The following NTN1 variants were observed in gnomAD, a reference collection of about 807,000 sequenced individuals.
The protein encoded by NTN1 is netrin 1, also known as netrin-1.
A neutral mutation model predicts 54.2 loss-of-function variants in NTN1; 11 were observed. The observed-to-expected ratio is 0.20, with a 90% CI of 0.13 to 0.34. The LOEUF (loss-of-function observed/expected upper bound fraction) is 0.34. Ranked by LOEUF, NTN1 falls within the 10% of genes least tolerant of loss-of-function variation. The pLI is 1.00. For missense variants in NTN1, 740 were observed against 893.1 expected (o/e 0.83, Z 2.18); for synonymous variants, 371 against 382.0 (o/e 0.97, Z 0.33).
chr17:9,076,097 T>C (rs557209422), intron 2 of NTN1, among the ~76,000 whole-genome samples: 13 of 152,278 alleles, frequency 8.5e-5, no homozygotes, highest in African/African-American at 3.1e-4. Flanking sequence ...ACTGTGCTCA[T>C]GAGAGCTGAT....
At chr17:9,128,494 G>A (rs186515309) in intron 2 of NTN1, among the ~76,000 whole-genome samples, 25 of 152,272 alleles carry the variant, frequency 1.6e-4, no homozygotes, top group African/African-American at 5.8e-4. Context: ...AGCTGTGCTT[G>A]GCCCATGCAC....
At chr17:9,169,777 A>AT (rs1421615945) in intron 3 of NTN1, among the ~76,000 whole-genome samples, 1 of 152,222 alleles carries the variant, frequency 6.6e-6, no homozygotes, top group African/African-American at 2.4e-5. Flanking sequence ...AGGCAGGAGA[A>AT]TCGCTTGAGC....
intron 3 of NTN1, among the ~76,000 whole-genome samples, chr17:9,163,997 A>G: frequency 6.6e-6 from 1 of 152,280 alleles, no homozygotes; most frequent in East Asian, 1.9e-4. Flanking sequence ...AAGCCACGGC[A>G]GACAGGCCCA....
At chr17:9,196,265 G>T (rs987306120) in intron 5 of NTN1, among the ~76,000 whole-genome samples, 1 of 152,200 alleles carries the variant, frequency 6.6e-6, no homozygotes, top group South Asian at 2.1e-4. Flanking sequence ...ACCAAGGAGG[G>T]TGCTCAACCC....
At chr17:9,209,413 G>T (rs931398337) in intron 5 of NTN1, among the ~76,000 whole-genome samples, 1 of 152,262 alleles carries the variant, frequency 6.6e-6, no homozygotes, top group Non-Finnish European at 1.5e-5. Context: ...ATTGCAGGGG[G>T]CCAGAGCGGA....
chr17:9,055,715 T>C (rs1207063975), intron 2 of NTN1, among the ~76,000 whole-genome samples: 1 of 151,898 alleles, frequency 6.6e-6, no homozygotes, highest in East Asian at 1.9e-4. Flanking sequence ...AAGGCAGACA[T>C]CTTTTTTTTA....
chr17:9,179,335 C>T (rs1176524484), intron 3 of NTN1, among the ~76,000 whole-genome samples: 1 of 152,172 alleles, frequency 6.6e-6, no homozygotes, highest in Admixed American at 6.5e-5. Context: ...AGAGCTTCAC[C>T]AGGCCTCAAA....
intron 5 of NTN1, among the ~76,000 whole-genome samples, chr17:9,196,765 T>A (rs1244730258): frequency 1.3e-5 from 2 of 151,862 alleles, no homozygotes; most frequent in East Asian, 1.9e-4. Context: ...TTGAGTACAG[T>A]GTATTGTGGG....
chr17:9,022,623 G>A lies in NTN1; in HGVS notation c.250G>A (p.Gly84Ser). Reference sequence around the variant, plus strand: ...GCGCTACTGCGTGGTGAGCGAGCGCGGCGAGGAGCGGCTGCGCTCGTGCCA... The same window carrying A: ...GCGCTACTGCGTGGTGAGCGAGCGCAGCGAGGAGCGGCTGCGCTCGTGCCA... ...PARYCVVSER[G>S]EERLRSCHLC... The change falls in exon 2 of 7, where the codon GGC (glycine) becomes AGC (serine). Residue 84 changes from glycine to serine, a missense_variant. Physicochemically the swap from Gly to Ser is moderately conservative, Grantham distance 56 (BLOSUM62 0). Coordinates refer to ENST00000173229, the MANE Select transcript of NTN1 (RefSeq NM_004822.3). The A allele has an allele frequency of 3.9e-6, 6 of 1,552,868 alleles. No individual in the cohort carries two copies. Among genetic ancestry groups the A allele is most frequent in the South Asian group, 1.2e-5 (1 of 84,674 alleles).
chr17:9,118,868 A>G (rs2092223498), intron 2 of NTN1, among the ~76,000 whole-genome samples: 1 of 152,138 alleles, frequency 6.6e-6, no homozygotes, highest in Non-Finnish European at 1.5e-5. Flanking sequence ...TCCATTGTAG[A>G]GATATATTGC....
chr17:9,174,875 G>T, intron 3 of NTN1: 1 of 153,390 alleles, frequency 6.5e-6, no homozygotes. Flanking sequence ...CTGTGGTGGT[G>T]TCTGAAGTGA....
At position 9,243,312 on chromosome 17, in the gene NTN1, C is replaced by CAGT. The variant is rs1567751619; in HGVS notation, c.*3344_*3345insAGT. 18 of 152,250 alleles carry CAGT rather than the reference C, an allele frequency of 1.2e-4. No homozygotes were observed. Among genetic ancestry groups the CAGT allele is most frequent in the Admixed American group, 1.2e-3 (18 of 15,282 alleles). 9.4% of individuals were successfully genotyped at this position (152,250 alleles called of 1,614,324 possible). On this transcript the variant is annotated 3_prime_UTR_variant, in exon 7 of 7. Transcript: ENST00000173229. ...CAGCCCAGGGAGGCTGGGAGCTGCTCCAAGGCCCTGGAACTCTGCCTCAGT... is the reference window on the plus strand; with the variant it reads ...CAGCCCAGGGAGGCTGGGAGCTGCTCAGTCAAGGCCCTGGAACTCTGCCTCAGT...
intron 2 of NTN1, among the ~76,000 whole-genome samples, chr17:9,100,387 TC>T (rs1555567785): frequency 6.6e-6 from 1 of 152,164 alleles, no homozygotes; most frequent in Non-Finnish European, 1.5e-5. Flanking sequence ...AAGCTCCACC[TC>T]CCAGGTTCAA....
intron 3 of NTN1, among the ~76,000 whole-genome samples, chr17:9,167,580 G>A (rs1034192162): frequency 1.3e-4 from 20 of 152,264 alleles, no homozygotes; most frequent in African/African-American, 4.6e-4. Context: ...CCCACAGTTC[G>A]TGTGGTTGAA....
Position 9,227,129 on chromosome 17 carries a change from C to T in NTN1, c.1486+5887C>T, listed in dbSNP as rs116505810. ...ACCTCCTCCTGTCTGCGCTGCCTCCCACGTCTCACACAACCGCTGTGCTCA... is the reference window on the plus strand; with the variant it reads ...ACCTCCTCCTGTCTGCGCTGCCTCCTACGTCTCACACAACCGCTGTGCTCA... On this transcript the variant is annotated intron_variant, in intron 6 of 6. Transcript: ENST00000173229. Among the ~76,000 whole-genome samples the T allele has an allele frequency of 6.7e-3, 1,023 of 152,208 alleles. 16 individuals carry two copies. The highest frequency in any genetic ancestry group is 0.024 in the African/African-American group (983 of 41,512).
At chr17:9,203,221 G>A (rs1904862471) in intron 5 of NTN1, among the ~76,000 whole-genome samples, 1 of 152,020 alleles carries the variant, frequency 6.6e-6, no homozygotes, top group African/African-American at 2.4e-5. Flanking sequence ...ATGCCCGGCT[G>A]GTTTCATAAT....
intron 2 of NTN1, among the ~76,000 whole-genome samples, chr17:9,067,667 C>T (rs73973296): frequency 6.6e-6 from 1 of 152,314 alleles, no homozygotes; most frequent in African/African-American, 2.4e-5. Flanking sequence ...CACTCATCTT[C>T]CTCACTTCTT....
chr17:9,116,261 G>A (rs2092211838), intron 2 of NTN1, among the ~76,000 whole-genome samples: 1 of 152,114 alleles, frequency 6.6e-6, no homozygotes, highest in African/African-American at 2.4e-5. Flanking sequence ...GGTAGGCAGA[G>A]CCCCCGGGAG....
At chr17:9,156,545 G>A (rs754927493) in intron 2 of NTN1, among the ~76,000 whole-genome samples, 1 of 152,166 alleles carries the variant, frequency 6.6e-6, no homozygotes, top group Non-Finnish European at 1.5e-5. Context: ...TAGTCCTGAT[G>A]GGATTGAGAG....
Sources: allele counts gnomAD v4.1 joint callset (sites outside exome capture counted in the v4.1 genomes callset), GRCh38; gene constraint gnomAD v4.1.1; transcripts MANE v1.5; gene names NCBI Gene and HGNC (gene_info 2026-07-23, HGNC 2026-07-21).